Variants in PROM1 observed in about 807,000 individuals in gnomAD.
The protein encoded by PROM1 is prominin-1.
PROM1 carries 105 observed loss-of-function variants against 116.9 expected under a neutral mutation model. That is an observed-to-expected ratio of 0.90 (90% CI 0.77 to 1.06). PROM1 has a LOEUF of 1.06. PROM1 is among the 50% of genes least tolerant of loss of function. The pLI is 0.00. For synonymous variants in PROM1, 393 were observed against 387.0 expected (o/e 1.02, Z -0.18); for missense variants, 1,122 against 1,045.2 (o/e 1.07, Z -1.01).
chr4:16,053,077 C>T (rs1051812391), intron 2 of PROM1, among the ~76,000 whole-genome samples: 6 of 152,154 alleles, frequency 3.9e-5, no homozygotes, highest in Non-Finnish European at 8.8e-5. Flanking sequence ...ACAAAAGTGT[C>T]ATAACAATGC....
In PROM1 at chr4:16,020,155, C is replaced by A. The variant is rs115409860; in HGVS notation, c.785-1615G>T. ...GCTCACTAGGTCTGGTTAGATACTG[C>A]AACCTAGCTTTGAGGATGTACCCAG... On this transcript the variant is annotated intron_variant, in intron 8 of 27. Transcript: ENST00000447510. 6.4e-3 allele frequency among the ~76,000 whole-genome samples: 971 copies of A among 152,308 alleles called. 14 individuals are homozygous for A. Among genetic ancestry groups the A allele is most frequent in the African/African-American group, 0.022 (921 of 41,560 alleles).
Position 16,033,331 on chromosome 4 carries a change from G to A in PROM1, c.482C>T (p.Ser161Phe), listed in dbSNP as rs1378775986. The A allele has an allele frequency of 6.2e-7, 1 of 1,613,620 alleles. No individual in the cohort carries two copies. The highest frequency in any genetic ancestry group is 2.2e-5 in the East Asian group (1 of 44,876). Reference sequence around the variant, plus strand: ...TATTATTATACAAATCACCAACAGGGAGATTGCAAAGCATTTCCTCAGGAA... The same window carrying A: ...TATTATTATACAAATCACCAACAGGAAGATTGCAAAGCATTTCCTCAGGAA... ...GPFLRKCFAI[S>F]LLVICIIISI... The change falls in exon 5 of 28, where the codon TCC becomes TTC. Residue 161 changes from serine (S) to phenylalanine (F), a missense_variant. Transcript: ENST00000447510.
At chr4:16,006,148 CA>C (rs1294636032) in intron 13 of PROM1, among the ~76,000 whole-genome samples, 1 of 152,196 alleles carries the variant, frequency 6.6e-6, no homozygotes, top group Non-Finnish European at 1.5e-5. Context: ...TGCTGTCCCA[CA>C]AGAGATTGGC....
intron 5 of PROM1, among the ~76,000 whole-genome samples, chr4:16,031,747 C>T (rs556158554): frequency 1.3e-4 from 20 of 152,230 alleles, no homozygotes; most frequent in African/African-American, 4.8e-4. Context: ...CTCAGGCTAA[C>T]CAACAATGCA....
At chr4:16,075,141 C>T (rs1467854775) in intron 2 of PROM1, among the ~76,000 whole-genome samples, 2 of 152,086 alleles carry the variant, frequency 1.3e-5, no homozygotes, top group African/African-American at 4.8e-5. Context: ...TATGGCATGA[C>T]AGTTCTGGAA....
At chr4:16,022,145 A>AAGGG (rs963410027) in intron 8 of PROM1, among the ~76,000 whole-genome samples, 12 of 145,580 alleles carry the variant, frequency 8.2e-5, no homozygotes, top group Admixed American at 1.4e-4. Flanking sequence ...GAAAGAAAGA[A>AAGGG]AGGGAGGGAG....
In PROM1 at chr4:16,076,131, G is replaced by C; in HGVS notation, c.-212-13C>G. On this transcript the variant is annotated splice_polypyrimidine_tract_variant and intron_variant, in intron 1 of 27. Transcript: ENST00000447510. ...CAAGGCACCATCCCTGGCAGGGAGA[G>C]AAACAGCAGCAGAGTCATCAATGCG... The C allele has an allele frequency of 1.2e-6, 1 of 867,966 alleles. No homozygotes were observed. Among genetic ancestry groups the C allele is most frequent in the African/African-American group, 1.7e-5 (1 of 59,044 alleles). The allele number at this position is 867,966 out of a possible 1,614,324, so 53.8% of individuals were successfully genotyped here. A position where few individuals can be genotyped will look rare whatever the true frequency, so the allele number is the denominator to read the frequency against.
At chr4:16,049,717 T>TTA (rs1183173614) in intron 2 of PROM1, among the ~76,000 whole-genome samples, 127 of 150,444 alleles carry the variant, frequency 8.4e-4, no homozygotes, top group East Asian at 2.5e-3. Flanking sequence ...CTCCTTAAAT[T>TTA]TATATATATA....
At chr4:16,082,097 T>C (rs1270127501) in intron 1 of PROM1, 1 of 152,056 alleles carries the variant, frequency 6.6e-6, no homozygotes, top group Non-Finnish European at 1.5e-5. Context: ...ATCTAATAGG[T>C]AAAGCACCTG....
chr4:16,006,420 G>A, intron 13 of PROM1, 118 bp downstream of exon 13: 3 of 1,245,112 alleles, frequency 2.4e-6, no homozygotes, highest in Non-Finnish European at 3.3e-6. Context: ...CGCGACCTGG[G>A]AGCTGGAACC....
At chr4:15,994,807 C>T (rs559143096) in intron 15 of PROM1, among the ~76,000 whole-genome samples, 1 of 152,306 alleles carries the variant, frequency 6.6e-6, no homozygotes, top group East Asian at 1.9e-4. Context: ...GCCCTCTAGG[C>T]CTGAGGGATG....
chr4:15,982,917 G>A (rs1373330676), intron 23 of PROM1, among the ~76,000 whole-genome samples: 1 of 152,208 alleles, frequency 6.6e-6, no homozygotes, highest in Non-Finnish European at 1.5e-5. Flanking sequence ...AGATGGACAA[G>A]TGAACGAGGG....
At chr4:16,070,927 A>T (rs1742663176) in intron 2 of PROM1, among the ~76,000 whole-genome samples, 1 of 152,196 alleles carries the variant, frequency 6.6e-6, no homozygotes, top group Non-Finnish European at 1.5e-5. Context: ...TCCTCCCTAC[A>T]TCAATCGTGG....
chr4:15,980,684 C>T, intron 23 of PROM1, 147 bp from the exon 24 acceptor site: 1 of 628,308 alleles, frequency 1.6e-6, no homozygotes, highest in Non-Finnish European at 2.7e-6. Flanking sequence ...TTGAGAATGT[C>T]ATGTGGACCA....
chr4:16,072,981 C>G (rs1165183410), intron 2 of PROM1, among the ~76,000 whole-genome samples: 2 of 152,154 alleles, frequency 1.3e-5, no homozygotes, highest in African/African-American at 4.8e-5. Context: ...CAGCACTCCC[C>G]ACTTTCTAAT....
chr4:16,004,872 CCTCT>C (rs150797542), intron 13 of PROM1, among the ~76,000 whole-genome samples: 1,213 of 115,274 alleles, frequency 0.011, 20 homozygotes, highest in African/African-American at 0.037. Context: ...TCTCTCTCTC[CCTCT>C]CTCTCTCTCT....
intron 3 of PROM1, among the ~76,000 whole-genome samples, chr4:16,036,765 C>G (rs1226903032): frequency 1.3e-5 from 2 of 152,208 alleles, no homozygotes; most frequent in Non-Finnish European, 2.9e-5. Context: ...CACACTCAGC[C>G]TTTATCAGAC....
intron 20 of PROM1, among the ~76,000 whole-genome samples, chr4:15,986,789 G>T (rs1719527077): frequency 6.6e-6 from 1 of 152,230 alleles, no homozygotes; most frequent in African/African-American, 2.4e-5. Flanking sequence ...ATCTTCAAAG[G>T]AGCTGAGCCA....
chr4:16,051,507 C>T (rs1406930493), intron 2 of PROM1, among the ~76,000 whole-genome samples: 1 of 152,216 alleles, frequency 6.6e-6, no homozygotes, highest in Non-Finnish European at 1.5e-5. Context: ...GTGAAGAAGG[C>T]ACCTATTGTG....
Sources: allele counts gnomAD v4.1 joint callset (sites outside exome capture counted in the v4.1 genomes callset), GRCh38; gene constraint gnomAD v4.1.1; transcripts MANE v1.5; gene names NCBI Gene and HGNC (gene_info 2026-07-23, HGNC 2026-07-21).